The following ERC2 variants were observed in gnomAD, a reference collection of about 807,000 sequenced individuals.
ERC2 encodes the protein ERC protein 2.
ERC2 carries 42 observed loss-of-function variants against 114.8 expected under a neutral mutation model. That is an observed-to-expected ratio of 0.37 (90% CI 0.29 to 0.47). The LOEUF (loss-of-function observed/expected upper bound fraction) is 0.47. ERC2 is among the 20% of genes least tolerant of loss of function. The pLI is 0.99. For missense variants in ERC2, 939 were observed against 1,150.7 expected, an observed-to-expected ratio of 0.82 and a Z score of 2.66; for synonymous variants, 454 against 425.5, an observed-to-expected ratio of 1.07 and a Z score of -0.82.
chr3:55,984,174 T>G (rs574328572), intron 12 of ERC2, among the ~76,000 whole-genome samples: 24 of 152,240 alleles, frequency 1.6e-4, no homozygotes, highest in South Asian at 1.2e-3. Context: ...GCATGTGCAT[T>G]TTGCCACATC....
At chr3:56,163,921 T>A (rs1423393377) in intron 4 of ERC2, among the ~76,000 whole-genome samples, 4 of 152,090 alleles carry the variant, frequency 2.6e-5, no homozygotes, top group Non-Finnish European at 5.9e-5. Flanking sequence ...TGCTAGCTGG[T>A]TGCTTTGTAG....
intron 14 of ERC2, among the ~76,000 whole-genome samples, chr3:55,757,139 A>G (rs765256699): frequency 1.1e-4 from 16 of 152,214 alleles, no homozygotes; most frequent in Non-Finnish European, 1.9e-4. Flanking sequence ...AGAACACCAC[A>G]TCATATTAGT....
chr3:56,293,263 T>C (rs1397901284), intron 3 of ERC2, among the ~76,000 whole-genome samples: 3 of 152,214 alleles, frequency 2.0e-5, no homozygotes, highest in Admixed American at 6.5e-5. Flanking sequence ...CACATAATCA[T>C]AATTCTCCCA....
At chr3:56,048,212 C>G (rs1395546346) in intron 7 of ERC2, among the ~76,000 whole-genome samples, 1 of 152,184 alleles carries the variant, frequency 6.6e-6, no homozygotes, top group East Asian at 1.9e-4. Context: ...TCTTTAAACT[C>G]AGGAACAGAG....
At chr3:55,797,241 CAAAT>C (rs970005345) in intron 14 of ERC2, among the ~76,000 whole-genome samples, 1 of 152,012 alleles carries the variant, frequency 6.6e-6, no homozygotes, top group Non-Finnish European at 1.5e-5. Flanking sequence ...CTAAAACAAA[CAAAT>C]AAACAAAATT....
intron 2 of ERC2, among the ~76,000 whole-genome samples, chr3:56,318,914 A>T (rs1233583671): frequency 7.1e-6 from 1 of 141,418 alleles, no homozygotes; most frequent in Non-Finnish European, 1.5e-5. Flanking sequence ...GTGAGTTGTG[A>T]TTGTGCCACT....
At chr3:56,333,761 C>T (rs1017103021) in intron 2 of ERC2, among the ~76,000 whole-genome samples, 4 of 152,028 alleles carry the variant, frequency 2.6e-5, no homozygotes, top group Non-Finnish European at 5.9e-5. Flanking sequence ...AATCTATCTT[C>T]ACCCTTCAGG....
chr3:56,281,683 C>T (rs1486606425), intron 3 of ERC2, among the ~76,000 whole-genome samples: 1 of 152,062 alleles, frequency 6.6e-6, no homozygotes, highest in Non-Finnish European at 1.5e-5. Flanking sequence ...ATTTATTGTG[C>T]ACCTACTAAG....
At chr3:55,787,440 A>C (rs982845216) in intron 14 of ERC2, among the ~76,000 whole-genome samples, 2 of 152,116 alleles carry the variant, frequency 1.3e-5, no homozygotes, top group African/African-American at 4.8e-5. Context: ...AATGGTATTT[A>C]TTTATTAATA....
chr3:55,722,285 C>T (rs2064615626), intron 15 of ERC2, among the ~76,000 whole-genome samples: 1 of 152,020 alleles, frequency 6.6e-6, no homozygotes, highest in African/African-American at 2.4e-5. Flanking sequence ...GGGGTTCTGG[C>T]TCCCCCACCT....
intron 2 of ERC2, among the ~76,000 whole-genome samples, chr3:56,354,454 A>G (rs2058668602): frequency 6.6e-6 from 1 of 152,178 alleles, no homozygotes; most frequent in Non-Finnish European, 1.5e-5. Context: ...GGGGGTGCTA[A>G]TGGCATCTAG....
chr3:56,080,668 C>T, intron 7 of ERC2, 149 bp downstream of exon 7: 1 of 695,372 alleles, frequency 1.4e-6, no homozygotes. Context: ...CATGATGCAA[C>T]TACCAGTAAG....
In ERC2 at chr3:55,975,389, AT is replaced by A. The variant is rs2069502657; in HGVS notation, c.2267+10587del. ...CCATAGTTTCTTCCACCATGCCTTT[AT>A]TTTCTTCCTGCTCTCTTAGTAGCTA... On this transcript the variant is annotated intron_variant, in intron 12 of 17. Coordinates refer to ENST00000288221, the MANE Select transcript of ERC2 (RefSeq NM_015576.3). 2.6e-5 allele frequency among the ~76,000 whole-genome samples: 4 copies of A among 151,022 alleles called. No homozygotes were observed. The South Asian group carries it at 8.4e-4, about 32-fold the overall frequency.
At chr3:56,046,957 C>T (rs1477915040) in intron 7 of ERC2, among the ~76,000 whole-genome samples, 2 of 152,166 alleles carry the variant, frequency 1.3e-5, no homozygotes, top group East Asian at 1.9e-4. Flanking sequence ...AGATTCATTC[C>T]GCTAGTGGAA....
At chr3:55,580,211 T>A (rs540354605) in intron 17 of ERC2, among the ~76,000 whole-genome samples, 1 of 151,888 alleles carries the variant, frequency 6.6e-6, no homozygotes, top group East Asian at 1.9e-4. Context: ...TAAATACCAC[T>A]TGACAGCAAT....
chr3:55,539,415 C>T (rs201850183), intron 17 of ERC2, among the ~76,000 whole-genome samples: 372 of 39,036 alleles, frequency 9.5e-3, no homozygotes, highest in East Asian at 0.018. Flanking sequence ...TTTTTTCTTT[C>T]TTTTTTTTTT....
chr3:55,865,591 C>T (rs751769376), intron 14 of ERC2, among the ~76,000 whole-genome samples: 6 of 151,956 alleles, frequency 3.9e-5, no homozygotes, highest in Non-Finnish European at 8.8e-5. Context: ...CAAACAGAAC[C>T]CTATACCCAT....
intron 11 of ERC2, among the ~76,000 whole-genome samples, chr3:55,988,276 G>T (rs2149518260): frequency 6.6e-6 from 1 of 152,282 alleles, no homozygotes; most frequent in South Asian, 2.1e-4. Flanking sequence ...CCAACTCTCA[G>T]AGACTTGCTC....
chr3:56,099,844 C>T (rs2078257418), intron 6 of ERC2, among the ~76,000 whole-genome samples: 2 of 152,184 alleles, frequency 1.3e-5, no homozygotes, highest in African/African-American at 4.8e-5. Flanking sequence ...CACAGACTTT[C>T]TACTCCTGAC....
Sources: allele counts gnomAD v4.1 joint callset (sites outside exome capture counted in the v4.1 genomes callset), GRCh38; gene constraint gnomAD v4.1.1; transcripts MANE v1.5; gene names NCBI Gene and HGNC (gene_info 2026-07-23, HGNC 2026-07-21).